Variants in TTC38 observed in about 807,000 individuals in gnomAD.
TTC38 encodes tetratricopeptide repeat domain 38.
TTC38 carries 64 observed loss-of-function variants against 64.2 expected under a neutral mutation model. The observed-to-expected ratio is 1.00, with a 90% confidence interval of 0.81 to 1.23. The LOEUF is 1.23. Among genes scored for constraint, TTC38 ranks in the 50% most tolerant of loss-of-function variants. The pLI, the probability that TTC38 is intolerant of heterozygous loss-of-function variation, is 0.00. For synonymous variants in TTC38, 254 were observed against 249.3 expected, an observed-to-expected ratio of 1.02 and a Z score of -0.18; for missense variants, 573 against 615.5, an observed-to-expected ratio of 0.93 and a Z score of 0.73.
Position 46,271,975 on chromosome 22 carries a change from AAAAC to A in TTC38, c.112-356_112-353del. ...GAAAATACTCAGTGTTCTACAAAGAAAAACAAATCTGGATTTATTTTTATTTTTT... is the reference window on the plus strand; with the variant it reads ...GAAAATACTCAGTGTTCTACAAAGAAAAATCTGGATTTATTTTTATTTTTT... On this transcript the variant is annotated intron_variant, in intron 2 of 13. Coordinates refer to ENST00000381031, the MANE Select transcript of TTC38 (RefSeq NM_017931.4). The surrounding 1 kb of genome is among the most constrained non-coding windows in gnomAD (Gnocchi z 5.5). Among the ~76,000 whole-genome samples the A allele has an allele frequency of 6.6e-6, 1 of 152,250 alleles. No individual in the cohort carries two copies. The highest frequency in any genetic ancestry group is 1.5e-5 in the Non-Finnish European group (1 of 68,012).
chr22:46,283,491 G>A (rs551388595), intron 7 of TTC38, among the ~76,000 whole-genome samples: 29 of 152,082 alleles, frequency 1.9e-4, no homozygotes, highest in Non-Finnish European at 3.7e-4. Flanking sequence ...ACCGCCCTTC[G>A]GAATGGAAGA....
chr22:46,268,816 C>T (rs1244467315), intron 2 of TTC38: 1 of 492,968 alleles, frequency 2.0e-6, no homozygotes, highest in African/African-American at 2.0e-5. Context: ...TCCCGAGTAG[C>T]TGGGACTACA....
chr22:46,289,091 C>T (rs2077592836), intron 11 of TTC38, among the ~76,000 whole-genome samples: 1 of 152,232 alleles, frequency 6.6e-6, no homozygotes, highest in Non-Finnish European at 1.5e-5. Context: ...CAGTGCCAGG[C>T]CTTTGCCTGT....
rs2077629505 is a variant in TTC38 at position 46,293,292 on chromosome 22, C to A, written c.*408C>A. The stretch of plus-strand genomic sequence containing the variant: ...CTGTCCCCGTCCCCACCAGGCTGCC[C>A]TTGGGATGGACCTTTTCATTCTTTT... On this transcript the variant is annotated 3_prime_UTR_variant, in exon 14 of 14. Coordinates refer to ENST00000381031, the MANE Select transcript of TTC38 (RefSeq NM_017931.4). This position sits in a 1 kb window ranked among gnomAD's most constrained non-coding sequence, Gnocchi z 6.6. 2 of 205,164 alleles carry A rather than the reference C, an allele frequency of 9.7e-6. No homozygotes were observed. Among genetic ancestry groups the A allele is most frequent in the Admixed American group, 1.0e-4 (2 of 19,698 alleles). The allele number at this position is 205,164 out of a possible 1,614,324, so 12.7% of individuals were successfully genotyped here.
In TTC38 at chr22:46,285,174, C is replaced by T. The variant is rs1291737225; in HGVS notation, c.796-67C>T. The T allele has an allele frequency of 2.1e-6, 3 of 1,451,492 alleles. No individual in the cohort carries two copies. In the Admixed American group the frequency reaches 5.0e-5, roughly 24 times the overall value. 89.9% of individuals were successfully genotyped at this position (1,451,492 alleles called of 1,614,324 possible). On this transcript the variant is annotated intron_variant, in intron 8 of 13. Coordinates refer to ENST00000381031, the MANE Select transcript of TTC38 (RefSeq NM_017931.4). ...CAGGGGTCTTTGGCCTGGCCGTTCT[C>T]AGTTCACGTGCCAGCATTACACTTT...
At chr22:46,285,364 A>G in intron 9 of TTC38, 85 bp downstream of exon 9, 1 of 1,308,866 alleles carries the variant, frequency 7.6e-7, no homozygotes, top group South Asian at 1.2e-5. Flanking sequence ...GTTCATCAGG[A>G]TTGTCCCAGC....
chr22:46,273,997 A>C lies in TTC38; in HGVS notation c.293A>C (p.Glu98Ala). 6.2e-7 allele frequency: 1 copy of C among 1,614,232 alleles called. No individual in the cohort carries two copies. Among genetic ancestry groups the C allele is most frequent in the Non-Finnish European group, 8.5e-7 (1 of 1,180,052 alleles). The change falls in exon 4 of 14, where the codon GAG becomes GCG. Residue 98 changes from glutamate (E) to alanine (A), a missense_variant. By Grantham distance (107) the Glu-to-Ala change is moderately radical (BLOSUM62 -1). Coordinates refer to ENST00000381031, the MANE Select transcript of TTC38 (RefSeq NM_017931.4). The surrounding 1 kb of genome is among the most constrained non-coding windows in gnomAD (Gnocchi z 5.1). ...GACCTGGCTGTGAAGACAATGGTGGAGATTTCAAGAACCCAGCCGCTGACA... is the reference window on the plus strand; with the variant it reads ...GACCTGGCTGTGAAGACAATGGTGGCGATTTCAAGAACCCAGCCGCTGACA... Reference protein sequence around the residue: ...ELDLAVKTMVEISRTQPLTRR... With the variant: ...ELDLAVKTMVAISRTQPLTRR...
Position 46,292,807 on chromosome 22 carries a change from C to T in TTC38, c.1333C>T (p.Arg445Cys), listed in dbSNP as rs555427294. ...KNVARSLLME[R>C]DALKPNSPLT... is the part of the protein sequence containing the mutation. The stretch of plus-strand genomic sequence containing the variant: ...TTTCCACAGGAGCCTTCTGATGGAG[C>T]GTGATGCCTTGAAGCCCAACTCGCC... The change falls in exon 14 of 14, where the codon CGT becomes TGT. Residue 445 changes from arginine to cysteine, a missense_variant. Around this residue, in one of 3 missense-constraint regions of TTC38, gnomAD observed 371 missense variants for 381.8 expected, o/e 0.97. Transcript: ENST00000381031. This position sits in a 1 kb window ranked among gnomAD's most constrained non-coding sequence, Gnocchi z 6.5. 24 of 1,613,906 alleles carry T rather than the reference C, an allele frequency of 1.5e-5. No homozygotes were observed. Among genetic ancestry groups the T allele is most frequent in the Middle Eastern group, 1.6e-4 (1 of 6,062 alleles).
rs2077492796 is a variant in TTC38 at position 46,276,824 on chromosome 22, A to AATATATATATATATATTAAATATATATAT, written c.539+1419_539+1420insTAAATATATATATATATATATATATATAT. 9.3e-5 allele frequency among the ~76,000 whole-genome samples: 13 copies of AATATATATATATATATTAAATATATATAT among 139,554 alleles called. No individual in the cohort carries two copies. The highest frequency in any genetic ancestry group is 3.6e-4 in the African/African-American group (13 of 36,130). 91.6% of individuals were successfully genotyped at this position (139,554 alleles called of 152,430 possible). ...ATTATATATTAAAATATATATATTAAATATATATATATATATAAACATATA... is the reference window on the plus strand; with the variant it reads ...ATTATATATTAAAATATATATATTAAATATATATATATATATTAAATATATATATATATATATATATATATAAACATATA... On this transcript the variant is annotated intron_variant, in intron 5 of 13. Coordinates refer to ENST00000381031, the MANE Select transcript of TTC38 (RefSeq NM_017931.4). The surrounding 1 kb of genome is among the most constrained non-coding windows in gnomAD (Gnocchi z 4.7).
chr22:46,280,367 G>C (rs976969150), intron 6 of TTC38: 1 of 353,070 alleles, frequency 2.8e-6, no homozygotes, highest in Non-Finnish European at 5.7e-6. Flanking sequence ...GGATTCTGCT[G>C]GGCCTTGTAG....
chr22:46,284,190 G>T (rs992549198), intron 8 of TTC38, among the ~76,000 whole-genome samples, 158 bp downstream of exon 8: 1 of 152,198 alleles, frequency 6.6e-6, no homozygotes, highest in African/African-American at 2.4e-5. Context: ...CCTTTTTAGG[G>T]ATTTTTTCAC....
chr22:46,276,751 C>CATATATTAAAAATATATATTAAAT lies in TTC38; in HGVS notation c.539+1342_539+1365dup, dbSNP rs1569017527. ...ATATTAAAAAAATATATATAAAATA[C>CATATATTAAAAATATATATTAAAT]ATATATTAAAAATATATATTAAATA... On this transcript the variant is annotated intron_variant, in intron 5 of 13. Transcript: ENST00000381031. The surrounding 1 kb of genome is among the most constrained non-coding windows in gnomAD (Gnocchi z 4.7). Among the ~76,000 whole-genome samples, 5 of 137,358 alleles carry CATATATTAAAAATATATATTAAAT rather than the reference C, an allele frequency of 3.6e-5. No homozygotes were observed. The highest frequency in any genetic ancestry group is 6.2e-5 in the Non-Finnish European group (4 of 64,974). 90.1% of individuals were successfully genotyped at this position (137,358 alleles called of 152,430 possible). A position where few individuals can be genotyped will look rare whatever the true frequency, so the allele number is the denominator to read the frequency against.
Position 46,273,856 on chromosome 22 carries a change from T to C in TTC38, c.194-42T>C. The C allele has an allele frequency of 6.2e-7, 1 of 1,609,172 alleles. No individual in the cohort carries two copies. The highest frequency in any genetic ancestry group is 8.5e-7 in the Non-Finnish European group (1 of 1,176,732). On this transcript the variant is annotated intron_variant, in intron 3 of 13. Transcript: ENST00000381031. This position sits in a 1 kb window ranked among gnomAD's most constrained non-coding sequence, Gnocchi z 5.1. ...GAGTCTGGGCTGGGATGGGCTGAGC[T>C]GGACCATCTGAACCACCAGCCGTTC...
At position 46,275,164 on chromosome 22, in the gene TTC38, C is replaced by T; in HGVS notation, c.366-84C>T. 7.6e-7 allele frequency: 1 copy of T among 1,321,784 alleles called. No homozygotes were observed. The allele number at this position is 1,321,784 out of a possible 1,614,324, so 81.9% of individuals were successfully genotyped here. On this transcript the variant is annotated intron_variant, in intron 4 of 13. Coordinates refer to ENST00000381031, the MANE Select transcript of TTC38 (RefSeq NM_017931.4). The surrounding 1 kb of genome is among the most constrained non-coding windows in gnomAD (Gnocchi z 4.5). ...AAACACATCCATGTAGACCATGACACTGGTGAGAAACAATGCCTCTTACAC... is the reference window on the plus strand; with the variant it reads ...AAACACATCCATGTAGACCATGACATTGGTGAGAAACAATGCCTCTTACAC...
In TTC38 at chr22:46,276,383, G is replaced by A. The variant is rs993735012; in HGVS notation, c.539+962G>A. ...GAGGGTAATCTGCTTTACTCAAATCGCATCTAGAAATACCTTCACGAGACT... is the reference window on the plus strand; with the variant it reads ...GAGGGTAATCTGCTTTACTCAAATCACATCTAGAAATACCTTCACGAGACT... On this transcript the variant is annotated intron_variant, in intron 5 of 13. Transcript: ENST00000381031. This position sits in a 1 kb window ranked among gnomAD's most constrained non-coding sequence, Gnocchi z 4.7. Among the ~76,000 whole-genome samples, 14 of 152,200 alleles carry A rather than the reference G, an allele frequency of 9.2e-5. No homozygotes were observed. The highest frequency in any genetic ancestry group is 8.3e-4 in the South Asian group (4 of 4,816).
rs1045264194 is a variant in TTC38, at chr22:46,274,236, T to C, written c.365+167T>C. On this transcript the variant is annotated intron_variant, in intron 4 of 13. Coordinates refer to ENST00000381031, the MANE Select transcript of TTC38 (RefSeq NM_017931.4). The surrounding 1 kb of genome is among the most constrained non-coding windows in gnomAD (Gnocchi z 4.8). ...AAATCGCATCCTGTCTGCTTCCCTA[T>C]TCTTGGTGGAGTGCTGAGTGAGGAA... is the stretch of plus-strand genomic sequence containing the variant. Among the ~76,000 whole-genome samples the C allele has an allele frequency of 6.6e-6, 1 of 152,168 alleles. No individual in the cohort carries two copies. The highest frequency in any genetic ancestry group is 1.5e-5 in the Non-Finnish European group (1 of 68,030).
At chr22:46,289,949 T>G in intron 13 of TTC38, 50 bp downstream of exon 13, 2 of 1,539,252 alleles carry the variant, frequency 1.3e-6, no homozygotes, top group Non-Finnish European at 1.8e-6. Context: ...AGGCTCTCCC[T>G]GCAGACCTCA....
chr22:46,282,156 G>A lies in TTC38; in HGVS notation c.735+438G>A, dbSNP rs2077539965. 5.6e-6 allele frequency: 2 copies of A among 358,362 alleles called. No individual in the cohort carries two copies. Among genetic ancestry groups the A allele is most frequent in the Non-Finnish European group, 5.7e-6 (1 of 175,062 alleles). The allele number at this position is 358,362 out of a possible 1,614,324, so 22.2% of individuals were successfully genotyped here. On this transcript the variant is annotated intron_variant, in intron 7 of 13. Coordinates refer to ENST00000381031, the MANE Select transcript of TTC38 (RefSeq NM_017931.4). This position sits in a 1 kb window ranked among gnomAD's most constrained non-coding sequence, Gnocchi z 4.4. ...TGGCTACTGAAGGATGAGCAGGTGTGTGCCACACAGAGGGGGAAGATGGAG... is the reference window on the plus strand; with the variant it reads ...TGGCTACTGAAGGATGAGCAGGTGTATGCCACACAGAGGGGGAAGATGGAG...
At position 46,291,909 on chromosome 22, in the gene TTC38, T is replaced by G. The variant is rs2077618923; in HGVS notation, c.1317-882T>G. Among the ~76,000 whole-genome samples, 2 of 152,100 alleles carry G rather than the reference T, an allele frequency of 1.3e-5. No homozygotes were observed. The highest frequency in any genetic ancestry group is 6.5e-5 in the Admixed American group (1 of 15,268). On this transcript the variant is annotated intron_variant, in intron 13 of 13. Coordinates refer to ENST00000381031, the MANE Select transcript of TTC38 (RefSeq NM_017931.4). The surrounding 1 kb of genome is among the most constrained non-coding windows in gnomAD (Gnocchi z 4.6). ...AGGTGGAGGTTGCAGTGAGCCGAGA[T>G]CGCGTCATTGCACTCCAGCCTGAGT...
Sources: allele counts gnomAD v4.1 joint callset (sites outside exome capture counted in the v4.1 genomes callset), GRCh38; gene constraint gnomAD v4.1.1; regional missense constraint gnomAD v4.1.1; non-coding constraint Gnocchi (gnomAD v3.1); transcripts MANE v1.5; gene names NCBI Gene and HGNC (gene_info 2026-07-23, HGNC 2026-07-21).